Variants in CLVS1 observed in about 807,000 individuals in gnomAD.
CLVS1 encodes the protein clavesin 1.
Under a neutral mutation model 33.1 loss-of-function variants are expected in CLVS1, and 10 were observed. The ratio of observed to expected loss-of-function variants is 0.30; its 90% confidence interval spans 0.19 to 0.51. CLVS1 has a LOEUF of 0.51. CLVS1 is among the 20% of genes least tolerant of loss of function. The pLI, the probability that CLVS1 is intolerant of heterozygous loss-of-function variation, is 0.97. For synonymous variants in CLVS1, 163 were observed against 166.1 expected (o/e 0.98, Z 0.14); for missense variants, 343 against 433.4 (o/e 0.79, Z 1.85).
intron 1 of CLVS1, among the ~76,000 whole-genome samples, chr8:61,100,190 T>G (rs1484694592): frequency 6.6e-6 from 1 of 152,164 alleles, no homozygotes; most frequent in Non-Finnish European, 1.5e-5. Context: ...CTTAATATTT[T>G]TATTAGGCAG....
At chr8:61,106,602 G>A (rs988407661) in intron 1 of CLVS1, among the ~76,000 whole-genome samples, 1 of 152,236 alleles carries the variant, frequency 6.6e-6, no homozygotes, top group East Asian at 1.9e-4. Context: ...CCGCGCAGGC[G>A]GTGGAGGGTG....
chr8:61,110,093 T>A (rs1488138910), intron 1 of CLVS1, among the ~76,000 whole-genome samples: 1 of 152,200 alleles, frequency 6.6e-6, no homozygotes, highest in African/African-American at 2.4e-5. Flanking sequence ...CTGCTAATGG[T>A]GCACGGTTGC....
intron 2 of CLVS1, among the ~76,000 whole-genome samples, chr8:61,329,957 A>T (rs1811532331): frequency 1.3e-5 from 2 of 152,108 alleles, no homozygotes; most frequent in African/African-American, 4.8e-5. Context: ...AGTTTAGAGG[A>T]TTCCCTTTAG....
intron 2 of CLVS1, among the ~76,000 whole-genome samples, chr8:61,304,196 T>C (rs1261246707): frequency 7.9e-5 from 12 of 152,236 alleles, no homozygotes; most frequent in Non-Finnish European, 1.5e-4. Flanking sequence ...ATTAAAATGG[T>C]TATGAATATT....
rs1229027148 is a variant in CLVS1, at chr8:61,120,230, C to T, written c.-242-11540C>T. Among the ~76,000 whole-genome samples the T allele has an allele frequency of 8.1e-4, 118 of 144,954 alleles. 1 individual carries two copies. Among genetic ancestry groups the T allele is most frequent in the Non-Finnish European group, 1.4e-3 (90 of 66,288 alleles). ...CCTTGGTTTTCAGCTCCATCAGCTC[C>T]TTTAAGCACTTGTCTGTATTGGTTA... On this transcript the variant is annotated intron_variant, in intron 1 of 2. Transcript: ENST00000522621.
chr8:61,309,041 G>T (rs1810738665), intron 2 of CLVS1, among the ~76,000 whole-genome samples: 1 of 152,220 alleles, frequency 6.6e-6, no homozygotes, highest in Non-Finnish European at 1.5e-5. Flanking sequence ...CCAGCCAAGA[G>T]GTAGAGGGTG....
Position 61,152,306 on chromosome 8 carries a change from C to T in CLVS1, c.-152+20446C>T, listed in dbSNP as rs557184903. 1.4e-3 allele frequency among the ~76,000 whole-genome samples: 207 copies of T among 152,248 alleles called. 1 individual carries two copies. The highest frequency in any genetic ancestry group is 2.5e-3 in the Non-Finnish European group (167 of 68,022). On this transcript the variant is annotated intron_variant, in intron 2 of 2. Transcript: ENST00000522621. ...TATCTCTTCTTGTATGGGCATGGAT[C>T]CCATCATTAGGGCCCTACCCTCAGG...
At chr8:61,419,621 T>G (rs892589127) in intron 3 of CLVS1, among the ~76,000 whole-genome samples, 28 of 152,178 alleles carry the variant, frequency 1.8e-4, no homozygotes, top group African/African-American at 5.8e-4. Context: ...TCCTTTACCT[T>G]TTGACATTAA....
chr8:61,202,248 G>T (rs1807748818), intron 2 of CLVS1: 1 of 526,162 alleles, frequency 1.9e-6, no homozygotes, highest in Non-Finnish European at 3.5e-6. Flanking sequence ...AGATATTTAA[G>T]AATGTCCCCT....
intron 2 of CLVS1, among the ~76,000 whole-genome samples, chr8:61,366,409 G>A (rs535068078): frequency 2.8e-4 from 43 of 152,268 alleles, no homozygotes; most frequent in African/African-American, 9.1e-4. Context: ...GTGAATGCAG[G>A]CATGGCCCTC....
intron 2 of CLVS1, among the ~76,000 whole-genome samples, chr8:61,354,906 C>G (rs1351561519): frequency 1.3e-5 from 2 of 152,098 alleles, no homozygotes; most frequent in Non-Finnish European, 2.9e-5. Context: ...GGTGAATACA[C>G]CAATGTACGT....
chr8:61,045,945 A>T, the CLVS1 span, among the ~76,000 whole-genome samples: 1 of 152,162 alleles, frequency 6.6e-6, no homozygotes, highest in African/African-American at 2.4e-5. Flanking sequence ...GGTTGCCTGT[A>T]CACTCTGATG....
chr8:61,346,227 C>T (rs1812215360), intron 2 of CLVS1, among the ~76,000 whole-genome samples: 1 of 152,150 alleles, frequency 6.6e-6, no homozygotes, highest in Non-Finnish European at 1.5e-5. Context: ...TAAACGATTA[C>T]ATCAGAATTT....
chr8:61,103,985 G>C (rs1202628040), intron 1 of CLVS1, among the ~76,000 whole-genome samples: 5 of 152,166 alleles, frequency 3.3e-5, no homozygotes, highest in Non-Finnish European at 5.9e-5. Flanking sequence ...TCAGGGTCAT[G>C]ATACAATAGA....
At chr8:61,106,562 A>G (rs1805542996) in intron 1 of CLVS1, among the ~76,000 whole-genome samples, 1 of 152,238 alleles carries the variant, frequency 6.6e-6, no homozygotes, top group African/African-American at 2.4e-5. Flanking sequence ...GGGCCTGCCC[A>G]GTACGCCACA....
chr8:61,296,445 TGCCCCATG>T (rs1056039451), intron 1 of CLVS1, among the ~76,000 whole-genome samples: 2 of 152,214 alleles, frequency 1.3e-5, no homozygotes, highest in African/African-American at 4.8e-5. Flanking sequence ...GTAAGTAACT[TGCCCCATG>T]CTTTAAATCT....
chr8:61,023,300 T>C, the CLVS1 span, among the ~76,000 whole-genome samples: 1 of 152,236 alleles, frequency 6.6e-6, no homozygotes, highest in Non-Finnish European at 1.5e-5. Context: ...GTGCCCTCAA[T>C]AGATTTTCCC....
At chr8:61,061,557 G>C (rs1804583798) in intron 1 of CLVS1, among the ~76,000 whole-genome samples, 1 of 151,264 alleles carries the variant, frequency 6.6e-6, no homozygotes. Flanking sequence ...AAAATTTATA[G>C]GAGTTTCCTG....
intron 5 of CLVS1, among the ~76,000 whole-genome samples, chr8:61,498,515 G>A (rs1365201090): frequency 6.6e-6 from 1 of 152,122 alleles, no homozygotes; most frequent in African/African-American, 2.4e-5. Flanking sequence ...CTACTGCGTA[G>A]CTCTTTTTAT....
Sources: gnomAD v4.1 joint callset for allele counts (sites outside exome capture counted in the v4.1 genomes callset) on GRCh38, gnomAD v4.1.1 for gene constraint, MANE v1.5 for transcripts, NCBI Gene and HGNC (gene_info 2026-07-23, HGNC 2026-07-21) for gene names.